LPP: variants seen among roughly 807,000 people sequenced by gnomAD.
The protein encoded by LPP is LIM domain containing preferred translocation partner in lipoma, also known as lipoma-preferred partner.
LPP carries 38 observed loss-of-function variants against 60.4 expected under a neutral mutation model. That is an observed-to-expected ratio of 0.63 (90% CI 0.49 to 0.83). The LOEUF is 0.83. Among genes scored for constraint, LPP ranks in the 40% least tolerant of loss-of-function variants. The pLI is 0.00. For missense variants in LPP, 902 were observed against 783.6 expected, an observed-to-expected ratio of 1.15 and a Z score of -1.80; for synonymous variants, 328 against 290.8, an observed-to-expected ratio of 1.13 and a Z score of -1.30.
intron 6 of LPP, among the ~76,000 whole-genome samples, chr3:188,535,390 G>A (rs935556126): frequency 6.6e-6 from 1 of 152,102 alleles, no homozygotes; most frequent in Non-Finnish European, 1.5e-5. Context: ...AAGTCCCTGA[G>A]GCAAGGTTAT....
intron 9 of LPP, among the ~76,000 whole-genome samples, chr3:188,846,325 G>A (rs1187380952): frequency 1.3e-5 from 2 of 152,200 alleles, no homozygotes; most frequent in Non-Finnish European, 2.9e-5. Flanking sequence ...GACTTTACTG[G>A]TTCAGTCAGC....
rs1717362004 is a variant in LPP, at chr3:188,225,395, T to C, written c.-189-10T>C. 1 of 152,116 alleles carries C rather than the reference T, an allele frequency of 6.6e-6. No individual in the cohort carries two copies. Among genetic ancestry groups the C allele is most frequent in the East Asian group, 1.9e-4 (1 of 5,192 alleles). The allele number at this position is 152,116 out of a possible 1,614,324, so 9.4% of individuals were successfully genotyped here. ...GAGATACATAAGCAACACCCTTCTG[T>C]TTTTCATAGGTGGGAACTTTGAGGC... On this transcript the variant is annotated splice_polypyrimidine_tract_variant and intron_variant, in intron 1 of 11. Transcript: ENST00000617246.
At chr3:188,675,841 A>C (rs570077302) in intron 7 of LPP, among the ~76,000 whole-genome samples, 1 of 152,162 alleles carries the variant, frequency 6.6e-6, no homozygotes, top group Non-Finnish European at 1.5e-5. Flanking sequence ...TTGAAGCCTG[A>C]CTTTGTTATA....
intron 2 of LPP, among the ~76,000 whole-genome samples, chr3:188,277,720 A>T (rs6776538): frequency 0.73 from 110,434 of 152,034 alleles, 41,292 homozygotes; most frequent in African/African-American, 0.9. Context: ...ATTCCTTGTT[A>T]TGGGATAAGG....
intron 9 of LPP, among the ~76,000 whole-genome samples, chr3:188,769,208 T>C (rs1210250104): frequency 1.3e-5 from 2 of 152,244 alleles, no homozygotes; most frequent in Non-Finnish European, 2.9e-5. Flanking sequence ...AAAGGGTATT[T>C]TGGGGATTGA....
intron 5 of LPP, among the ~76,000 whole-genome samples, chr3:188,504,229 C>T (rs918732212): frequency 6.6e-6 from 1 of 152,080 alleles, no homozygotes; most frequent in Admixed American, 6.5e-5. Context: ...TCTTTGAGTT[C>T]CTCTAGTGAA....
intron 4 of LPP, among the ~76,000 whole-genome samples, chr3:188,426,661 G>T (rs930106466): frequency 2.0e-5 from 3 of 151,990 alleles, no homozygotes; most frequent in Non-Finnish European, 2.9e-5. Flanking sequence ...ATATATTTAG[G>T]GTAGTTAGCC....
chr3:188,839,862 GTGAGACTCCGTCTCAAAA>G (rs1187252647), intron 9 of LPP, among the ~76,000 whole-genome samples: 7 of 152,130 alleles, frequency 4.6e-5, no homozygotes, highest in African/African-American at 1.7e-4. Flanking sequence ...TGGCGACAGA[GTGAGACTCCGTCTCAAAA>G]ATAAAATAAA....
At chr3:188,196,318 C>T (rs1351115509) in intron 1 of LPP, among the ~76,000 whole-genome samples, 2 of 152,218 alleles carry the variant, frequency 1.3e-5, no homozygotes, top group African/African-American at 4.8e-5. Context: ...CCCAAAGTTG[C>T]ATGGGGCTCA....
rs187586980 is a variant in LPP, at chr3:188,348,717, C to T, written c.-10+6998C>T. ...TACTCTAGAACTTCTGAATGAGAAT[C>T]TCTACTTTAACAAGAGCCCCAGGTA... On this transcript the variant is annotated intron_variant, in intron 3 of 11. Coordinates refer to ENST00000617246, the MANE Select transcript of LPP (RefSeq NM_001375462.1). Among the ~76,000 whole-genome samples the T allele has an allele frequency of 7.8e-4, 119 of 152,338 alleles. 1 individual carries two copies. The Middle Eastern group carries it at 0.024, about 30-fold the overall frequency.
Position 188,535,335 on chromosome 3 carries a change from C to T in LPP, c.429+10548C>T, listed in dbSNP as rs533371864. Among the ~76,000 whole-genome samples, 10 of 152,282 alleles carry T rather than the reference C, an allele frequency of 6.6e-5. No homozygotes were observed. In the East Asian group the frequency reaches 7.7e-4, roughly 12 times the overall value. On this transcript the variant is annotated intron_variant, in intron 6 of 11. Transcript: ENST00000617246. ...ACAGTAGATAGGTATAAAATGACTT[C>T]GGTTTGCATAACAAAGAAATAATTG...
intron 6 of LPP, among the ~76,000 whole-genome samples, chr3:188,591,748 C>G (rs1238674212): frequency 1.3e-5 from 2 of 152,106 alleles, no homozygotes; most frequent in Admixed American, 1.3e-4. Flanking sequence ...GATACAGAGA[C>G]AGAAGGAATG....
chr3:188,503,628 ACT>A (rs1033705713), intron 5 of LPP, among the ~76,000 whole-genome samples: 13 of 139,262 alleles, frequency 9.3e-5, no homozygotes, highest in Non-Finnish European at 1.7e-4. Flanking sequence ...GTAATAAAGA[ACT>A]CTCTCACCTC....
intron 4 of LPP, among the ~76,000 whole-genome samples, chr3:188,478,433 A>G (rs972933252): frequency 6.6e-6 from 1 of 151,940 alleles, no homozygotes; most frequent in Non-Finnish European, 1.5e-5. Flanking sequence ...CTTTTTTTCT[A>G]GTATACATGT....
intron 4 of LPP, among the ~76,000 whole-genome samples, chr3:188,413,857 C>G (rs1785479952): frequency 6.6e-6 from 1 of 152,128 alleles, no homozygotes; most frequent in Admixed American, 6.5e-5. Flanking sequence ...TAATCCATAT[C>G]CTCTTTAATT....
intron 7 of LPP, among the ~76,000 whole-genome samples, chr3:188,661,273 C>T (rs1260642712): frequency 6.6e-6 from 1 of 152,108 alleles, no homozygotes; most frequent in Admixed American, 6.6e-5. Context: ...CAAGTTTTGG[C>T]AATTATGAAT....
chr3:188,273,489 C>G (rs1385452258), intron 2 of LPP, among the ~76,000 whole-genome samples: 4 of 151,798 alleles, frequency 2.6e-5, no homozygotes, highest in Admixed American at 2.6e-4. Flanking sequence ...CATGTAGAAT[C>G]CTCTCTCAAT....
chr3:188,488,667 C>T (rs1484586280), intron 5 of LPP, among the ~76,000 whole-genome samples: 3 of 151,994 alleles, frequency 2.0e-5, no homozygotes, highest in East Asian at 1.9e-4. Flanking sequence ...TACAGAGTCT[C>T]ACTCTGTCAC....
intron 6 of LPP, among the ~76,000 whole-genome samples, chr3:188,543,849 A>G (rs1825841756): frequency 6.6e-6 from 1 of 152,206 alleles, no homozygotes; most frequent in South Asian, 2.1e-4. Context: ...AATTAAGAAT[A>G]CTAGGGGGAA....
Sources: allele counts gnomAD v4.1 joint callset (sites outside exome capture counted in the v4.1 genomes callset), GRCh38; gene constraint gnomAD v4.1.1; transcripts MANE v1.5; gene names NCBI Gene and HGNC (gene_info 2026-07-23, HGNC 2026-07-21).